The following PRKAG2 variants were observed in gnomAD, a reference collection of about 807,000 sequenced individuals.
PRKAG2 encodes the protein 5'-AMP-activated protein kinase subunit gamma-2.
A neutral mutation model predicts 69.6 loss-of-function variants in PRKAG2; 26 were observed. That is an observed-to-expected ratio of 0.37 (90% CI 0.27 to 0.52). PRKAG2 has a LOEUF of 0.52. Ranked by LOEUF, PRKAG2 falls within the 20% of genes least tolerant of loss-of-function variation. The pLI is 0.90. For missense variants in PRKAG2, 557 were observed against 740.0 expected (o/e 0.75, Z 2.87); for synonymous variants, 293 against 285.0 (o/e 1.03, Z -0.28).
At chr7:151,581,429 T>C (rs1196435399) in intron 6 of PRKAG2, among the ~76,000 whole-genome samples, 3 of 152,158 alleles carry the variant, frequency 2.0e-5, no homozygotes, top group Admixed American at 6.6e-5. Context: ...ATCTAAACCA[T>C]AGATGAGACC....
At chr7:151,683,203 T>C (rs1834151591) in intron 3 of PRKAG2, among the ~76,000 whole-genome samples, 1 of 152,180 alleles carries the variant, frequency 6.6e-6, no homozygotes, top group Non-Finnish European at 1.5e-5. Flanking sequence ...AGCCATGGGC[T>C]GGTGACTTCA....
At chr7:151,764,522 T>C (rs1017140703) in intron 3 of PRKAG2, among the ~76,000 whole-genome samples, 1 of 152,190 alleles carries the variant, frequency 6.6e-6, no homozygotes, top group Non-Finnish European at 1.5e-5. Flanking sequence ...CCACCCCCAG[T>C]GCCAAGAGCT....
intron 1 of PRKAG2, among the ~76,000 whole-genome samples, chr7:151,819,578 T>C (rs2078721366): frequency 6.6e-6 from 1 of 152,242 alleles, no homozygotes; most frequent in African/African-American, 2.4e-5. Flanking sequence ...GTTCTAAAAC[T>C]GCAGGATTGC....
intron 5 of PRKAG2, among the ~76,000 whole-genome samples, chr7:151,622,671 A>T (rs1156750360): frequency 1.3e-5 from 2 of 152,176 alleles, no homozygotes; most frequent in Non-Finnish European, 2.9e-5. Flanking sequence ...TAAAATGGTG[A>T]CACACCATCT....
chr7:151,816,845 G>T (rs2078656172), intron 1 of PRKAG2, among the ~76,000 whole-genome samples: 1 of 152,102 alleles, frequency 6.6e-6, no homozygotes, highest in Non-Finnish European at 1.5e-5. Context: ...CGAGCCTGAG[G>T]AAAAAAGCCT....
chr7:151,737,243 C>T (rs1338128831), intron 3 of PRKAG2, among the ~76,000 whole-genome samples: 3 of 151,632 alleles, frequency 2.0e-5, no homozygotes, highest in African/African-American at 4.9e-5. Flanking sequence ...CGGTGGCTCA[C>T]GCCTGTAATC....
chr7:151,868,547 C>T (rs949696321), intron 1 of PRKAG2, among the ~76,000 whole-genome samples: 4 of 152,214 alleles, frequency 2.6e-5, no homozygotes, highest in Admixed American at 6.5e-5. Context: ...TTGTTTGTTG[C>T]GCATTTTAAA....
chr7:151,600,311 GA>G (rs1815738853), intron 5 of PRKAG2, among the ~76,000 whole-genome samples: 1 of 152,206 alleles, frequency 6.6e-6, no homozygotes, highest in Admixed American at 6.5e-5. Context: ...TATCTGAGAA[GA>G]AAAACATGTA....
At chr7:151,876,072 C>T (rs1349185359) in intron 1 of PRKAG2, among the ~76,000 whole-genome samples, 3 of 147,696 alleles carry the variant, frequency 2.0e-5, no homozygotes, top group African/African-American at 7.5e-5. Flanking sequence ...ACCGCCCCTC[C>T]CCTCTCCTCC....
chr7:151,578,664 G>A (rs1052460054), intron 6 of PRKAG2, among the ~76,000 whole-genome samples: 6 of 152,188 alleles, frequency 3.9e-5, no homozygotes, highest in African/African-American at 1.2e-4. Flanking sequence ...AGAGAATGAC[G>A]ATGAGGAAAT....
intron 5 of PRKAG2, among the ~76,000 whole-genome samples, chr7:151,630,661 T>TA (rs570869574): frequency 2.0e-4 from 30 of 152,236 alleles, no homozygotes; most frequent in Non-Finnish European, 3.7e-4. Flanking sequence ...GCAAAAATTG[T>TA]AACTGTAAAA....
At chr7:151,810,253 C>G (rs1306162383) in intron 1 of PRKAG2, 1 of 152,092 alleles carries the variant, frequency 6.6e-6, no homozygotes, top group Non-Finnish European at 1.5e-5. Flanking sequence ...GTGACTTGGC[C>G]AACGCAGCTT....
intron 4 of PRKAG2, among the ~76,000 whole-genome samples, chr7:151,642,055 G>A (rs1361397026): frequency 2.0e-5 from 3 of 148,530 alleles, no homozygotes; most frequent in Admixed American, 6.7e-5. Flanking sequence ...AAAAAAAGGG[G>A]CCAGGCGTGG....
Position 151,771,625 on chromosome 7 carries a change from T to C in PRKAG2, c.466+9527A>G, listed in dbSNP as rs2076025963. On this transcript the variant is annotated intron_variant, in intron 3 of 15. Transcript: ENST00000287878. This position sits in a 1 kb window ranked among gnomAD's most constrained non-coding sequence, Gnocchi z 4.0. Reference sequence around the variant, plus strand: ...CGATTCCAAGACTCAGGCCATTGAGTCATTCGCTTCACTGGTTTGTAAATA... The same window carrying C: ...CGATTCCAAGACTCAGGCCATTGAGCCATTCGCTTCACTGGTTTGTAAATA... Among the ~76,000 whole-genome samples, 1 of 152,206 alleles carries C rather than the reference T, an allele frequency of 6.6e-6. No homozygotes were observed. The highest frequency in any genetic ancestry group is 1.5e-5 in the Non-Finnish European group (1 of 68,036).
At chr7:151,741,862 T>C (rs951770763) in intron 3 of PRKAG2, among the ~76,000 whole-genome samples, 3 of 152,164 alleles carry the variant, frequency 2.0e-5, no homozygotes, top group African/African-American at 7.2e-5. Flanking sequence ...ATTGAAGGGA[T>C]GAGGTGCTAC....
chr7:151,841,974 T>C (rs576100991), intron 1 of PRKAG2, among the ~76,000 whole-genome samples: 8 of 146,836 alleles, frequency 5.4e-5, no homozygotes, highest in South Asian at 2.2e-4. Flanking sequence ...GTAGGGATGG[T>C]AGTGATGGTA....
intron 1 of PRKAG2, among the ~76,000 whole-genome samples, chr7:151,811,463 G>T (rs1295240083): frequency 6.6e-6 from 1 of 152,244 alleles, no homozygotes. Context: ...TGGGCATCAG[G>T]TGCTTGTGAT....
intron 1 of PRKAG2, among the ~76,000 whole-genome samples, chr7:151,839,003 A>G (rs2079213523): frequency 7.2e-6 from 1 of 137,934 alleles, no homozygotes; most frequent in Non-Finnish European, 1.5e-5. Flanking sequence ...CAACAGAGTG[A>G]GACTGTCTCA....
chr7:151,775,570 AG>A (rs1311063208), intron 3 of PRKAG2, among the ~76,000 whole-genome samples: 3 of 152,246 alleles, frequency 2.0e-5, no homozygotes, highest in Admixed American at 6.5e-5. Flanking sequence ...GGATTCAGAA[AG>A]GCTGGAAATG....
Sources: allele counts gnomAD v4.1 joint callset (sites outside exome capture counted in the v4.1 genomes callset), GRCh38; gene constraint gnomAD v4.1.1; non-coding constraint Gnocchi (gnomAD v3.1); transcripts MANE v1.5; gene names NCBI Gene and HGNC (gene_info 2026-07-23, HGNC 2026-07-21).